CACNA1S: variants seen among roughly 807,000 people sequenced by gnomAD.
The protein encoded by CACNA1S is calcium voltage-gated channel subunit alpha1 S.
A neutral mutation model predicts 207.4 loss-of-function variants in CACNA1S; 126 were observed. The ratio of observed to expected loss-of-function variants is 0.61; its 90% confidence interval spans 0.53 to 0.70. CACNA1S has a LOEUF of 0.70. CACNA1S is among the 30% of genes least tolerant of loss of function. The pLI is 0.00. For missense variants in CACNA1S, 2,349 were observed against 2,422.8 expected, an observed-to-expected ratio of 0.97 and a Z score of 0.64; for synonymous variants, 960 against 932.7, an observed-to-expected ratio of 1.03 and a Z score of -0.53.
At chr1:201,112,156 C>G in intron 1 of CACNA1S, 32 bp downstream of exon 1, 1 of 860,306 alleles carries the variant, frequency 1.2e-6, no homozygotes, top group Non-Finnish European at 1.6e-6. Flanking sequence ...ATGACGCACA[C>G]CCCCCCCCAC....
intron 12 of CACNA1S, among the ~76,000 whole-genome samples, chr1:201,076,019 G>C (rs1428612874): frequency 6.6e-6 from 1 of 152,180 alleles, no homozygotes; most frequent in African/African-American, 2.4e-5. Context: ...AGTGAGCTGA[G>C]ATTGTGCCAC....
At chr1:201,043,596 C>G in intron 39 of CACNA1S, 65 bp from the exon 40 acceptor site, 3 of 1,421,234 alleles carry the variant, frequency 2.1e-6, no homozygotes, top group Non-Finnish European at 3.0e-6. Flanking sequence ...GGCTGTCACT[C>G]TGGGACAGTG....
chr1:201,052,523 CG>C (rs779291684), intron 32 of CACNA1S, 33 bp downstream of exon 32: 7 of 1,372,952 alleles, frequency 5.1e-6, no homozygotes, highest in Non-Finnish European at 7.0e-6. Context: ...GACTGGTCAG[CG>C]GGGTAGGGGT....
chr1:201,058,378 T>G, intron 28 of CACNA1S, 30 bp downstream of exon 28: 2 of 1,586,872 alleles, frequency 1.3e-6, no homozygotes, highest in Non-Finnish European at 1.7e-6. Flanking sequence ...GGGCCCACCC[T>G]AGTGATGGCT....
intron 19 of CACNA1S, among the ~76,000 whole-genome samples, chr1:201,068,902 G>A (rs966225319): frequency 6.6e-6 from 1 of 152,118 alleles, no homozygotes; most frequent in Admixed American, 6.6e-5. Flanking sequence ...AATGCCTGAG[G>A]CTTCAAGACA....
chr1:201,045,596 A>G (rs1660442423), intron 38 of CACNA1S, among the ~76,000 whole-genome samples: 1 of 152,028 alleles, frequency 6.6e-6, no homozygotes, highest in African/African-American at 2.4e-5. Context: ...GTAGCCTGGC[A>G]TGGTGGTGTG....
Position 201,041,504 on chromosome 1 carries a change from C to T in CACNA1S, c.5134G>A (p.Gly1712Arg). 6.2e-7 allele frequency: 1 copy of T among 1,612,126 alleles called. No homozygotes were observed. The highest frequency in any genetic ancestry group is 8.5e-7 in the Non-Finnish European group (1 of 1,178,272). ...TCTTAGATGCACAGAAGGGACTGAC[C>T]CAGGACCCTGCAGGGTTGGCCAAGG... ...RALGQPCRVL[G>R]PHSKPCVEML... The change falls in exon 41 of 44, where the codon GGA becomes AGA. Residue 1712 changes from glycine (G) to arginine (R), a missense_variant and splice_region_variant. Gly to Arg is a moderately radical substitution (Grantham distance 125). Transcript: ENST00000362061.
intron 2 of CACNA1S, among the ~76,000 whole-genome samples, chr1:201,095,547 G>A (rs1270137376): frequency 6.6e-6 from 1 of 152,210 alleles, no homozygotes; most frequent in Non-Finnish European, 1.5e-5. Flanking sequence ...GTCATTCAGA[G>A]AATTTTCCTG....
chr1:201,062,049 A>T lies in CACNA1S; in HGVS notation c.2948T>A (p.Ile983Lys). The stretch of plus-strand genomic sequence containing the variant: ...TACCCACTCGCGGTGACGCAGCTCT[A>T]TCTGCATGGGGTCCCCGTCCTTGTA... ...YVYKDGDPMQ[I>K]ELRHREWVHS... The change falls in exon 24 of 44, where the codon ATA (isoleucine) becomes AAA (lysine). Residue 983 changes from isoleucine to lysine, a missense_variant. Physicochemically the swap from Ile to Lys is moderately radical, Grantham distance 102 (BLOSUM62 -3). Transcript: ENST00000362061. 6.2e-7 allele frequency: 1 copy of T among 1,614,116 alleles called. No homozygotes were observed. Among genetic ancestry groups the T allele is most frequent in the Non-Finnish European group, 8.5e-7 (1 of 1,179,976 alleles).
intron 10 of CACNA1S, among the ~76,000 whole-genome samples, chr1:201,082,333 ATT>A: frequency 6.6e-6 from 1 of 151,868 alleles, no homozygotes. Flanking sequence ...GGCCTCAGGT[ATT>A]TTTTTTATAG....
rs1019606906 is a variant in CACNA1S, at chr1:201,053,737, A to C, written c.3667-150T>G. On this transcript the variant is annotated intron_variant, in intron 29 of 43. Coordinates refer to ENST00000362061, the MANE Select transcript of CACNA1S (RefSeq NM_000069.3). The surrounding 1 kb of genome is among the most constrained non-coding windows in gnomAD (Gnocchi z 5.1). ...CCGCCTCTGGCCCCTGCTGTCCACT[A>C]GTTCGGGACCATCCTTGGGCACAGG... 2.2e-5 allele frequency: 18 copies of C among 802,112 alleles called. No homozygotes were observed. In the African/African-American group the frequency reaches 3.1e-4, roughly 14 times the overall value. 49.7% of individuals were successfully genotyped at this position (802,112 alleles called of 1,614,324 possible).
In CACNA1S at chr1:201,061,414, G is replaced by T. The variant is rs773482623; in HGVS notation, c.3108C>A (p.Asn1036Lys). ...AGAAGATGGCCATCTCCACACGGTT[G>T]TTGTAGATGGGACCCACGTCCTCCG... ...SNAEDVGPIY[N>K]NRVEMAIFFI... The change falls in exon 25 of 44, where the codon AAC becomes AAA. Residue 1036 changes from asparagine to lysine, a missense_variant. Coordinates refer to ENST00000362061, the MANE Select transcript of CACNA1S (RefSeq NM_000069.3). The T allele has an allele frequency of 1.2e-6, 2 of 1,614,206 alleles. No individual in the cohort carries two copies. Among genetic ancestry groups the T allele is most frequent in the South Asian group, 1.1e-5 (1 of 91,086 alleles).
In CACNA1S at chr1:201,066,100, C is replaced by T. The variant is rs1661229496; in HGVS notation, c.2745+129G>A. The T allele has an allele frequency of 9.9e-7, 1 of 1,005,926 alleles. No individual in the cohort carries two copies. Among genetic ancestry groups the T allele is most frequent in the Non-Finnish European group, 1.6e-6 (1 of 644,452 alleles). The allele number at this position is 1,005,926 out of a possible 1,614,324, so 62.3% of individuals were successfully genotyped here. A position where few individuals can be genotyped will look rare whatever the true frequency, so the allele number is the denominator to read the frequency against. ...GAAGCATAGCTACCCCAGCCTCATCCTTACCCCTATCTGCCCAGGGAGATG... is the reference window on the plus strand; with the variant it reads ...GAAGCATAGCTACCCCAGCCTCATCTTTACCCCTATCTGCCCAGGGAGATG... On this transcript the variant is annotated intron_variant, in intron 21 of 43. Transcript: ENST00000362061. The surrounding 1 kb of genome is among the most constrained non-coding windows in gnomAD (Gnocchi z 4.3).
Position 201,052,635 on chromosome 1 carries a change from AT to A in CACNA1S, c.3874del (p.Ile1292SerfsTer9), listed in dbSNP as rs1240941997. The A allele has an allele frequency of 6.2e-7, 1 of 1,613,686 alleles. No homozygotes were observed. The highest frequency in any genetic ancestry group is 1.7e-5 in the Admixed American group (1 of 59,984). Reference sequence around the variant, plus strand: ...TATTTGGGTCCCATCCACCAAGGCGATCTTCCCAAACATCTGCAAGTCACAA... The same window carrying A: ...TATTTGGGTCCCATCCACCAAGGCGACTTCCCAAACATCTGCAAGTCACAA... ...AVIGMQMFGKIALVDGTQINR... is the reference protein window; with the variant it reads ...AVIGMQMFGKXALVDGTQINR... On this transcript the variant is annotated frameshift_variant, in exon 32 of 44. Coordinates refer to ENST00000362061, the MANE Select transcript of CACNA1S (RefSeq NM_000069.3). LOFTEE classifies it high-confidence loss of function.
intron 41 of CACNA1S, among the ~76,000 whole-genome samples, 182 bp downstream of exon 41, chr1:201,041,322 C>T (rs1019804415): frequency 4.6e-5 from 7 of 152,310 alleles, no homozygotes; most frequent in South Asian, 2.1e-4. Context: ...TGCCCTGCTT[C>T]CCCCCTGGAC....
At chr1:201,040,842 G>T in intron 41 of CACNA1S, 129 bp from the exon 42 acceptor site, 1 of 725,290 alleles carries the variant, frequency 1.4e-6, no homozygotes, top group South Asian at 1.5e-5. Flanking sequence ...GCTGCAGAAG[G>T]TGTCTTAGAG....
At chr1:201,097,212 G>A (rs968498704) in intron 2 of CACNA1S, among the ~76,000 whole-genome samples, 6 of 151,924 alleles carry the variant, frequency 3.9e-5, no homozygotes, top group Admixed American at 2.6e-4. Context: ...CGCCACCCAC[G>A]TCTCCTCCCC....
chr1:201,084,297 C>G (rs1052721156), intron 9 of CACNA1S, among the ~76,000 whole-genome samples: 7 of 152,088 alleles, frequency 4.6e-5, no homozygotes, highest in Non-Finnish European at 7.4e-5. Flanking sequence ...CAAAAAAATC[C>G]TGGCACGTGT....
In CACNA1S at chr1:201,052,796, A is replaced by G. The variant is rs1171849684; in HGVS notation, c.3862-148T>C. ...TGCGGGCCACATCAGACCTGAAGCC[A>G]AAAAAAACGGGATTATTTTCTAGAT... is the stretch of plus-strand genomic sequence containing the variant. On this transcript the variant is annotated intron_variant, in intron 31 of 43. Transcript: ENST00000362061. 4.4e-6 allele frequency: 3 copies of G among 681,968 alleles called. No individual in the cohort carries two copies. In the Admixed American group the frequency reaches 7.0e-5, roughly 16 times the overall value. The allele number at this position is 681,968 out of a possible 1,614,324, so 42.2% of individuals were successfully genotyped here.
Sources: allele counts gnomAD v4.1 joint callset (sites outside exome capture counted in the v4.1 genomes callset), GRCh38; gene constraint gnomAD v4.1.1; non-coding constraint Gnocchi (gnomAD v3.1); transcripts MANE v1.5; gene names NCBI Gene and HGNC (gene_info 2026-07-23, HGNC 2026-07-21).